DNAH10: variants seen among roughly 807,000 people sequenced by gnomAD.
DNAH10 encodes dynein axonemal heavy chain 10.
Under a neutral mutation model 506.6 loss-of-function variants are expected in DNAH10, and 348 were observed. That is an observed-to-expected ratio of 0.69 (90% CI 0.63 to 0.75). The LOEUF (loss-of-function observed/expected upper bound fraction) is 0.75, where lower values mean the gene tolerates loss of function less well. Ranked by LOEUF, DNAH10 falls within the 30% of genes least tolerant of loss-of-function variation. DNAH10 has a pLI of 0.00. For missense variants in DNAH10, 5,179 were observed against 5,787.1 expected, an observed-to-expected ratio of 0.89 and a Z score of 3.41; for synonymous variants, 2,059 against 2,198.6, an observed-to-expected ratio of 0.94 and a Z score of 1.78.
In DNAH10 at chr12:123,928,657, G is replaced by A; in HGVS notation, c.12306+70G>A. 1.3e-6 allele frequency: 2 copies of A among 1,481,862 alleles called. No individual in the cohort carries two copies. The highest frequency in any genetic ancestry group is 2.0e-5 in the Admixed American group (1 of 48,840). The allele number at this position is 1,481,862 out of a possible 1,614,324, so 91.8% of individuals were successfully genotyped here. A position where few individuals can be genotyped will look rare whatever the true frequency, so the allele number is the denominator to read the frequency against. Reference sequence around the variant, plus strand: ...CAGAACACCTGCATGCTGCTCTGGGGCCGGGGTGTGCCTTTGTCTGTGTAG... The same window carrying A: ...CAGAACACCTGCATGCTGCTCTGGGACCGGGGTGTGCCTTTGTCTGTGTAG... On this transcript the variant is annotated intron_variant, in intron 70 of 78. Transcript: ENST00000673944. The surrounding 1 kb of genome is among the most constrained non-coding windows in gnomAD (Gnocchi z 4.9).
intron 1 of DNAH10, among the ~76,000 whole-genome samples, chr12:123,766,165 C>G (rs1017530160): frequency 5.3e-5 from 8 of 151,998 alleles, no homozygotes; most frequent in Non-Finnish European, 7.4e-5. Context: ...ATACATCTAT[C>G]TCTCTCTATC....
chr12:123,839,787 C>T (rs1019412786), intron 29 of DNAH10, among the ~76,000 whole-genome samples: 4 of 151,830 alleles, frequency 2.6e-5, no homozygotes, highest in East Asian at 1.9e-4. Context: ...CTCAGCCTCC[C>T]GAGTAGCTGG....
intron 51 of DNAH10, among the ~76,000 whole-genome samples, chr12:123,883,791 A>G (rs1375612442): frequency 6.6e-6 from 1 of 151,936 alleles, no homozygotes; most frequent in Non-Finnish European, 1.5e-5. Context: ...TTAGAGAGAG[A>G]GAGAAATGAG....
rs1957254632 is a variant in DNAH10 at position 123,771,605 on chromosome 12, G to A, written c.303G>A (p.Lys101=). ...AAACTGATTGCTGTTTTGCAGCTAA[G>A]CGTGTGTCACTGAGAACCGAATCTC... ...KVESVDKVRA[K]RVSLRTESLG... The change falls in exon 3 of 79, where the codon AAG becomes AAA. Residue 101 remains lysine (K), a synonymous_variant. Transcript: ENST00000673944. 2.5e-6 allele frequency: 4 copies of A among 1,613,380 alleles called. No individual in the cohort carries two copies. Among genetic ancestry groups the A allele is most frequent in the Non-Finnish European group, 3.4e-6 (4 of 1,179,600 alleles).
intron 77 of DNAH10, 136 bp from the exon 78 acceptor site, chr12:123,934,485 G>T: frequency 9.3e-7 from 1 of 1,070,722 alleles, no homozygotes; most frequent in Non-Finnish European, 1.4e-6. Context: ...CTGGAGAAGG[G>T]CCTGGGCTGT....
intron 2 of DNAH10, 71 bp from the exon 3 acceptor site, chr12:123,771,530 C>T: frequency 7.9e-7 from 1 of 1,269,436 alleles, no homozygotes; most frequent in Non-Finnish European, 1.1e-6. Flanking sequence ...GCACAAAATG[C>T]AGGGCTGCTC....
At chr12:123,858,329 C>T (rs1256639043) in intron 37 of DNAH10, among the ~76,000 whole-genome samples, 1 of 152,118 alleles carries the variant, frequency 6.6e-6, no homozygotes, top group Non-Finnish European at 1.5e-5. Context: ...TGGGGGGTTG[C>T]CTCGGGTCGG....
intron 54 of DNAH10, among the ~76,000 whole-genome samples, chr12:123,896,148 C>CACACACACAGAGAT (rs1383690518): frequency 1.0e-5 from 1 of 95,272 alleles, no homozygotes; most frequent in Non-Finnish European, 1.9e-5. Context: ...CACACACACA[C>CACACACACAGAGAT]AGAGAGAGAG....
At chr12:123,821,171 A>G (rs1959361636) in intron 24 of DNAH10, among the ~76,000 whole-genome samples, 1 of 151,866 alleles carries the variant, frequency 6.6e-6, no homozygotes, top group Admixed American at 6.6e-5. Context: ...AATCACTTGA[A>G]CCTGGGAGGT....
At position 123,784,162 on chromosome 12, in the gene DNAH10, G is replaced by A. The variant is rs758334070; in HGVS notation, c.1215G>A (p.Val405=). 20 of 1,614,174 alleles carry A rather than the reference G, an allele frequency of 1.2e-5. No homozygotes were observed. In the South Asian group the frequency reaches 1.8e-4, roughly 14 times the overall value. The stretch of plus-strand genomic sequence containing the variant: ...ACAATGTGCGCTTTCTCTCCACCGT[G>A]GAGCGTTATTTCAAGGTATGCTGGG... ...ASDNVRFLST[V]ERYFKNITHG... Residue 405 remains valine (V), a synonymous_variant, in exon 8 of 79, where the codon GTG becomes GTA. Coordinates refer to ENST00000673944, the MANE Select transcript of DNAH10 (RefSeq NM_001372106.1).
At chr12:123,921,024 C>T (rs1241986880) in intron 65 of DNAH10, among the ~76,000 whole-genome samples, 8 of 152,172 alleles carry the variant, frequency 5.3e-5, no homozygotes, top group African/African-American at 1.7e-4. Flanking sequence ...CCTCCTGCCT[C>T]GGCCTCCCAA....
intron 34 of DNAH10, 89 bp downstream of exon 34, chr12:123,848,971 C>A: frequency 6.7e-7 from 1 of 1,494,386 alleles, no homozygotes. Context: ...AGTTTCTGGG[C>A]CGTTGACACT....
chr12:123,839,763 C>T (rs888949103), intron 29 of DNAH10, among the ~76,000 whole-genome samples: 15 of 151,080 alleles, frequency 9.9e-5, no homozygotes, highest in South Asian at 2.1e-4. Context: ...CCCAGGTTCA[C>T]GCCATTCTCC....
chr12:123,861,452 G>A (rs1004221296), intron 39 of DNAH10, among the ~76,000 whole-genome samples: 12 of 152,244 alleles, frequency 7.9e-5, no homozygotes, highest in Admixed American at 7.8e-4. Flanking sequence ...TGTGGCCCAA[G>A]GCCAGGGATT....
At chr12:123,912,955 C>T (rs1356670351) in intron 59 of DNAH10, 143 bp from the exon 60 acceptor site, 9 of 742,816 alleles carry the variant, frequency 1.2e-5, no homozygotes, top group South Asian at 2.1e-5. Context: ...TAAGAAGCCA[C>T]GTGTCTCAAC....
Position 123,857,248 on chromosome 12 carries a change from G to T in DNAH10, c.6630+1G>T. The T allele has an allele frequency of 6.5e-7, 1 of 1,542,698 alleles. No homozygotes were observed. Among genetic ancestry groups the T allele is most frequent in the Non-Finnish European group, 8.8e-7 (1 of 1,139,394 alleles). On this transcript the variant is annotated splice_donor_variant, in intron 37 of 78. Transcript: ENST00000673944. LOFTEE classifies it high-confidence loss of function. ...CGGCTACGCGGTCCTACCCATCCAG[G>T]TAAAGCCAGGAAAATGACCTCACTG... is the stretch of plus-strand genomic sequence containing the variant.
intron 38 of DNAH10, 31 bp from the exon 39 acceptor site, chr12:123,860,981 T>G: frequency 6.2e-7 from 1 of 1,613,852 alleles, no homozygotes; most frequent in East Asian, 2.2e-5. Flanking sequence ...TTAGTTGTCT[T>G]GAACCATGGC....
At chr12:123,765,598 A>ATC (rs773462881) in intron 1 of DNAH10, among the ~76,000 whole-genome samples, 2 of 150,556 alleles carry the variant, frequency 1.3e-5, no homozygotes, top group East Asian at 1.9e-4. Flanking sequence ...CTATCTATCT[A>ATC]TACATACCTC....
chr12:123,857,501 G>A (rs960956443), intron 37 of DNAH10, among the ~76,000 whole-genome samples: 17 of 152,168 alleles, frequency 1.1e-4, no homozygotes, highest in Admixed American at 6.5e-4. Flanking sequence ...AGGCTGAGGC[G>A]GGTGGATCAC....
Sources: gnomAD v4.1 joint callset for allele counts (sites outside exome capture counted in the v4.1 genomes callset) on GRCh38, gnomAD v4.1.1 for gene constraint, Gnocchi (gnomAD v3.1) non-coding constraint, MANE v1.5 for transcripts, NCBI Gene and HGNC (gene_info 2026-07-23, HGNC 2026-07-21) for gene names.